Variants in SOCS2 observed in about 807,000 individuals in gnomAD.
The protein encoded by SOCS2 is CIS-2.
In SOCS2, 10 loss-of-function variants were observed where a neutral mutation model predicts 18.6. The observed-to-expected ratio is 0.54, with a 90% CI of 0.33 to 0.91. The LOEUF is 0.91. Ranked by LOEUF, SOCS2 falls within the 40% of genes least tolerant of loss-of-function variation. The probability of loss-of-function intolerance (pLI) is 0.02; values close to 1 mark genes in which losing one functional copy is unlikely to be tolerated. For missense variants in SOCS2, 231 were observed against 247.2 expected, an observed-to-expected ratio of 0.93 and a Z score of 0.44; for synonymous variants, 104 against 104.0, an observed-to-expected ratio of 1.00 and a Z score of 0.00.
chr12:93,596,446 TAACTGGG>T, the SOCS2 span, among the ~76,000 whole-genome samples: 1 of 152,216 alleles, frequency 6.6e-6, no homozygotes, highest in African/African-American at 2.4e-5. Context: ...CCTGAGTTAC[TAACTGGG>T]AAGTCATGGT....
At chr12:93,595,130 G>A in the SOCS2 span, among the ~76,000 whole-genome samples, 2 of 151,974 alleles carry the variant, frequency 1.3e-5, no homozygotes, top group Non-Finnish European at 2.9e-5. Flanking sequence ...GTGAGGGGAC[G>A]GGGGGTGATT....
the SOCS2 span, among the ~76,000 whole-genome samples, chr12:93,614,938 T>A: frequency 1.4e-4 from 19 of 135,540 alleles, no homozygotes; most frequent in African/African-American, 2.7e-4. Context: ...ATTTTCTATT[T>A]AAAAAAAAAA....
At chr12:93,625,439 C>A in the SOCS2 span, among the ~76,000 whole-genome samples, 1 of 152,096 alleles carries the variant, frequency 6.6e-6, no homozygotes, top group Non-Finnish European at 1.5e-5. Context: ...CAGGATTCAG[C>A]CCTTCAAAGC....
chr12:93,590,439 C>A, the SOCS2 span, among the ~76,000 whole-genome samples: 1 of 152,046 alleles, frequency 6.6e-6, no homozygotes, highest in East Asian at 1.9e-4. Flanking sequence ...TTGCTGTTTA[C>A]TGTTCTAACA....
At chr12:93,576,916 T>C (rs2136706443), downstream of SOCS2, among the ~76,000 whole-genome samples, 1 of 152,350 alleles carries the variant, frequency 6.6e-6, no homozygotes, top group Non-Finnish European at 1.5e-5. Flanking sequence ...TGGGGTCGGA[T>C]CTATGATGGG....
chr12:93,614,468 TTCCTTCCTTC>T, the SOCS2 span, among the ~76,000 whole-genome samples: 1 of 91,214 alleles, frequency 1.1e-5, no homozygotes, highest in East Asian at 4.0e-4. Flanking sequence ...CCTTCCTTCC[TTCCTTCCTTC>T]CTTTCCTTCC....
the SOCS2 span, among the ~76,000 whole-genome samples, chr12:93,593,140 C>T: frequency 6.6e-6 from 1 of 152,086 alleles, no homozygotes. Context: ...GTGGCCAGTT[C>T]TAGGAACAAT....
downstream of SOCS2, among the ~76,000 whole-genome samples, chr12:93,578,370 A>T (rs1443472646): frequency 1.3e-5 from 2 of 152,240 alleles, no homozygotes; most frequent in Non-Finnish European, 2.9e-5. Flanking sequence ...AATCCAAAGG[A>T]TGGAATGTCC....
chr12:93,614,621 TTC>T, the SOCS2 span, among the ~76,000 whole-genome samples: 1 of 126,150 alleles, frequency 7.9e-6, no homozygotes. Flanking sequence ...CTTTCTTTCT[TTC>T]TTTCTTTCTT....
chr12:93,605,348 T>G, the SOCS2 span, among the ~76,000 whole-genome samples: 346 of 152,298 alleles, frequency 2.3e-3, 1 homozygote, highest in Non-Finnish European at 3.8e-3. Flanking sequence ...TTATACTTCT[T>G]AAGACATAAA....
chr12:93,605,168 G>A, the SOCS2 span, among the ~76,000 whole-genome samples: 2 of 152,146 alleles, frequency 1.3e-5, no homozygotes, highest in Non-Finnish European at 2.9e-5. Context: ...ACAGAGCACA[G>A]TAATTACCAA....
the SOCS2 span, among the ~76,000 whole-genome samples, chr12:93,609,959 G>A: frequency 6.6e-6 from 1 of 152,186 alleles, no homozygotes. Flanking sequence ...GAACAAGAAA[G>A]CAAGAAGGGG....
chr12:93,606,932 C>T, the SOCS2 span, among the ~76,000 whole-genome samples: 9 of 152,294 alleles, frequency 5.9e-5, no homozygotes, highest in Admixed American at 2.6e-4. Context: ...ACCTTACAGG[C>T]GTGAGCTACC....
At position 93,572,996 on chromosome 12, in the gene SOCS2, G is replaced by A; in HGVS notation, c.99G>A (p.Ala33=). ...CGGCGGAGGAGCCATCCCCGCAGGC[G>A]GCGCGTCTGGCGAAGGCCCTGCGGG... ...AGSAEEPSPQ[A]ARLAKALREL... Residue 33 remains alanine (A), a synonymous_variant, in exon 1 of 2, where the codon GCG becomes GCA. Transcript: ENST00000551556. This position sits in a 1 kb window ranked among gnomAD's most constrained non-coding sequence, Gnocchi z 5.0. 1.9e-6 allele frequency: 3 copies of A among 1,569,326 alleles called. No individual in the cohort carries two copies. The highest frequency in any genetic ancestry group is 2.3e-5 in the East Asian group (1 of 42,628).
chr12:93,603,895 T>C, the SOCS2 span, among the ~76,000 whole-genome samples: 1 of 152,228 alleles, frequency 6.6e-6, no homozygotes, highest in African/African-American at 2.4e-5. Context: ...CTGTGTTTAC[T>C]GAGATGATTG....
In SOCS2 at chr12:93,575,317, T is replaced by G. The variant is rs1298615120; in HGVS notation, c.*138T>G. On this transcript the variant is annotated 3_prime_UTR_variant, in exon 2 of 2. Coordinates refer to ENST00000551556, the MANE Select transcript of SOCS2 (RefSeq NM_001270471.2). ...CAGCTGAAGCTAATCTAATTTAAAT[T>G]TAACAGCTTGAAGAGGTAGCTAGGT... The G allele has an allele frequency of 1.4e-5, 8 of 590,580 alleles. No homozygotes were observed. The highest frequency in any genetic ancestry group is 1.9e-5 in the African/African-American group (1 of 53,282). 36.6% of individuals were successfully genotyped at this position (590,580 alleles called of 1,614,324 possible). A position where few individuals can be genotyped will look rare whatever the true frequency, so the allele number is the denominator to read the frequency against.
Position 93,574,920 on chromosome 12 carries a change from A to T in SOCS2, c.338A>T (p.Lys113Ile), listed in dbSNP as rs1444163701. 1 of 1,614,240 alleles carries T rather than the reference A, an allele frequency of 6.2e-7. No individual in the cohort carries two copies. Among genetic ancestry groups the T allele is most frequent in the East Asian group, 2.2e-5 (1 of 44,892 alleles). ...KFRLDSIICVKSKLKQFDSVV... is the reference protein window; with the variant it reads ...KFRLDSIICVISKLKQFDSVV... ...AGATTGGACTCTATCATATGTGTCA[A>T]ATCCAAGCTTAAACAATTTGACAGT... Residue 113 changes from lysine (K) to isoleucine (I), a missense_variant, in exon 2 of 2, where the codon AAA becomes ATA. By Grantham distance (102) the Lys-to-Ile change is moderately radical. This residue lies in a region of SOCS2 where 122 missense variants were observed against 127.2 expected (regional missense o/e 0.96). Coordinates refer to ENST00000551556, the MANE Select transcript of SOCS2 (RefSeq NM_001270471.2).
downstream of SOCS2, among the ~76,000 whole-genome samples, chr12:93,579,709 A>T (rs1369482097): frequency 6.6e-6 from 1 of 152,114 alleles, no homozygotes; most frequent in African/African-American, 2.4e-5. Context: ...TTACTATGGT[A>T]ATAAAGGTAA....
At chr12:93,619,393 C>CAAACAG in the SOCS2 span, among the ~76,000 whole-genome samples, 1 of 152,172 alleles carries the variant, frequency 6.6e-6, no homozygotes, top group Non-Finnish European at 1.5e-5. Context: ...AGGATCGGAG[C>CAAACAG]AAACAGAGCC....
Sources: gnomAD v4.1 joint callset for allele counts (sites outside exome capture counted in the v4.1 genomes callset) on GRCh38, gnomAD v4.1.1 for gene constraint, gnomAD v4.1.1 regional missense constraint, Gnocchi (gnomAD v3.1) non-coding constraint, MANE v1.5 for transcripts, NCBI Gene and HGNC (gene_info 2026-07-23, HGNC 2026-07-21) for gene names.